The following POU2F1 variants were observed in gnomAD, a reference collection of about 807,000 sequenced individuals.
POU2F1 encodes the protein POU class 2 homeobox 1, also known as POU domain, class 2, transcription factor 1.
In POU2F1, 16 loss-of-function variants were observed where a neutral mutation model predicts 84.9. That is an observed-to-expected ratio of 0.19 (90% CI 0.13 to 0.29). The LOEUF is 0.29. POU2F1 is among the 10% of genes least tolerant of loss of function. The pLI is 1.00. For missense variants in POU2F1, 738 were observed against 942.6 expected (o/e 0.78, Z 2.84); for synonymous variants, 368 against 368.3 (o/e 1.00, Z 0.01).
At chr1:167,372,208 A>C (rs1219808476) in intron 5 of POU2F1, among the ~76,000 whole-genome samples, 172 bp downstream of exon 5, 6 of 152,144 alleles carry the variant, frequency 3.9e-5, no homozygotes, top group African/African-American at 1.4e-4. Context: ...CTGAAAAAGG[A>C]ATTATCTTTG....
intron 3 of POU2F1, among the ~76,000 whole-genome samples, chr1:167,366,619 CCTAATGGA>C (rs1659697935): frequency 6.6e-6 from 1 of 152,054 alleles, no homozygotes. Flanking sequence ...TACAGTGAGG[CCTAATGGA>C]ACACTTTTGC....
chr1:167,373,690 A>C (rs1660150214), intron 5 of POU2F1, among the ~76,000 whole-genome samples: 4 of 152,176 alleles, frequency 2.6e-5, no homozygotes, highest in Admixed American at 2.6e-4. Flanking sequence ...GATTCATGCT[A>C]ATGGGAAGCA....
chr1:167,263,101 T>A (rs1048578279), intron 1 of POU2F1, among the ~76,000 whole-genome samples: 7 of 152,230 alleles, frequency 4.6e-5, no homozygotes, highest in African/African-American at 1.7e-4. Context: ...GTTGGAACAC[T>A]TTTTTGTTTT....
chr1:167,402,742 A>C (rs1649297265), intron 13 of POU2F1, among the ~76,000 whole-genome samples: 1 of 152,230 alleles, frequency 6.6e-6, no homozygotes, highest in African/African-American at 2.4e-5. Context: ...TATATATAAT[A>C]TTGAGCACTT....
At chr1:167,320,075 G>A (rs1278973425) in intron 1 of POU2F1, among the ~76,000 whole-genome samples, 1 of 152,248 alleles carries the variant, frequency 6.6e-6, no homozygotes, top group African/African-American at 2.4e-5. Context: ...GTGAGTTGAT[G>A]TAAATAGGGT....
Position 167,372,122 on chromosome 1 carries a change from A to T in POU2F1, c.402+86A>T, listed in dbSNP as rs143940996. 2,427 of 1,496,798 alleles carry T rather than the reference A, an allele frequency of 1.6e-3. 30 individuals are homozygous for T. The African/African-American group carries it at 0.028, about 17-fold the overall frequency. The allele number at this position is 1,496,798 out of a possible 1,614,324, so 92.7% of individuals were successfully genotyped here. A position where few individuals can be genotyped will look rare whatever the true frequency, so the allele number is the denominator to read the frequency against. ...ATAGCTGATTAGAATTGTTCACCATAGCTGGTAGTAACATGGCTATGCCTG... is the reference window on the plus strand; with the variant it reads ...ATAGCTGATTAGAATTGTTCACCATTGCTGGTAGTAACATGGCTATGCCTG... On this transcript the variant is annotated intron_variant, in intron 5 of 15. Coordinates refer to ENST00000367866, the MANE Select transcript of POU2F1 (RefSeq NM_002697.4).
intron 1 of POU2F1, among the ~76,000 whole-genome samples, chr1:167,231,265 C>T (rs1277906778): frequency 1.3e-5 from 2 of 151,862 alleles, no homozygotes; most frequent in Admixed American, 1.3e-4. Context: ...TGGAATTATT[C>T]AGAAACATCT....
At chr1:167,280,201 A>C (rs571749186) in intron 1 of POU2F1, among the ~76,000 whole-genome samples, 1 of 152,060 alleles carries the variant, frequency 6.6e-6, no homozygotes, top group East Asian at 1.9e-4. Context: ...GAAAAAAAAA[A>C]AAAACTTATT....
chr1:167,421,170 G>T lies in POU2F1; in HGVS notation c.*5360G>T, dbSNP rs962319541. ...TATAAAATGGTAAATCTTTCTCAGC[G>T]TTTACAAACTTGGCTTTTGAGAAGG... On this transcript the variant is annotated 3_prime_UTR_variant, in exon 16 of 16. Coordinates refer to ENST00000367866, the MANE Select transcript of POU2F1 (RefSeq NM_002697.4). 5.9e-5 allele frequency: 9 copies of T among 152,102 alleles called. No homozygotes were observed. Among genetic ancestry groups the T allele is most frequent in the Non-Finnish European group, 1.2e-4 (8 of 68,024 alleles). The allele number at this position is 152,102 out of a possible 1,614,324, so 9.4% of individuals were successfully genotyped here.
chr1:167,399,429 G>A (rs1298536312), intron 12 of POU2F1, 64 bp downstream of exon 12: 20 of 1,354,688 alleles, frequency 1.5e-5, no homozygotes, highest in Non-Finnish European at 1.8e-5. Flanking sequence ...CAAATGACCT[G>A]TTAAATCAGT....
chr1:167,224,845 T>TC (rs1324790756), intron 1 of POU2F1, among the ~76,000 whole-genome samples: 7 of 150,376 alleles, frequency 4.7e-5, no homozygotes, highest in East Asian at 3.9e-4. Flanking sequence ...TTTTTTTTTT[T>TC]CCAGACAGAG....
At chr1:167,409,113 G>A (rs1302632145) in intron 13 of POU2F1, among the ~76,000 whole-genome samples, 2 of 152,082 alleles carry the variant, frequency 1.3e-5, no homozygotes, top group Non-Finnish European at 2.9e-5. Context: ...GCTTAACCCA[G>A]GGTCACAAAG....
chr1:167,350,990 C>G (rs1658522003), intron 2 of POU2F1, among the ~76,000 whole-genome samples: 1 of 151,522 alleles, frequency 6.6e-6, no homozygotes, highest in African/African-American at 2.4e-5. Context: ...AAAAGCGAAA[C>G]TCCATCTCAA....
At chr1:167,356,478 C>T (rs1341645515) in intron 2 of POU2F1, among the ~76,000 whole-genome samples, 1 of 151,866 alleles carries the variant, frequency 6.6e-6, no homozygotes, top group Non-Finnish European at 1.5e-5. Flanking sequence ...CTGGATAGGC[C>T]TTGGAGTATG....
At chr1:167,233,275 C>A (rs1649201688) in intron 1 of POU2F1, among the ~76,000 whole-genome samples, 1 of 151,476 alleles carries the variant, frequency 6.6e-6, no homozygotes, top group South Asian at 2.1e-4. Flanking sequence ...GAGCTGGTAC[C>A]ACAGGCGCAC....
intron 2 of POU2F1, 95 bp downstream of exon 2, chr1:167,332,630 A>C: frequency 1.1e-6 from 1 of 945,636 alleles, no homozygotes; most frequent in East Asian, 2.5e-5. Context: ...GCAAATACAG[A>C]CCAATTTGAG....
intron 2 of POU2F1, among the ~76,000 whole-genome samples, chr1:167,364,681 C>CATT (rs1659567863): frequency 1.3e-5 from 2 of 150,608 alleles, no homozygotes; most frequent in African/African-American, 2.4e-5. Context: ...GGGCTCAAGC[C>CATT]ATTCTCCCTC....
In POU2F1 at chr1:167,337,800, A is replaced by C. The variant is rs796400669; in HGVS notation, c.127+5265A>C. Among the ~76,000 whole-genome samples, 7 of 152,182 alleles carry C rather than the reference A, an allele frequency of 4.6e-5. No individual in the cohort carries two copies. The East Asian group carries it at 1.2e-3, about 25-fold the overall frequency. On this transcript the variant is annotated intron_variant, in intron 2 of 15. Transcript: ENST00000367866. ...AAAAGCGCCCTATTCTGAGAGGGAA[A>C]AAATGCCACAAAGGACATTGATTAG...
chr1:167,322,319 T>C (rs1264985216), intron 1 of POU2F1, among the ~76,000 whole-genome samples: 1 of 152,226 alleles, frequency 6.6e-6, no homozygotes, highest in Non-Finnish European at 1.5e-5. Context: ...GGAACAGAAG[T>C]AGATATAACA....
Sources: allele counts gnomAD v4.1 joint callset (sites outside exome capture counted in the v4.1 genomes callset), GRCh38; gene constraint gnomAD v4.1.1; transcripts MANE v1.5; gene names NCBI Gene and HGNC (gene_info 2026-07-23, HGNC 2026-07-21).